CABIN1: variants seen among roughly 807,000 people sequenced by gnomAD.
CABIN1 encodes the protein calcineurin-binding protein cabin-1.
CABIN1 carries 133 observed loss-of-function variants against 227.7 expected under a neutral mutation model. The observed-to-expected ratio is 0.58, with a 90% CI of 0.51 to 0.67. The LOEUF is 0.67. Among genes scored for constraint, CABIN1 ranks in the 30% least tolerant of loss-of-function variants. The pLI is 0.00. For synonymous variants in CABIN1, 1,086 were observed against 1,155.1 expected (o/e 0.94, Z 1.21); for missense variants, 2,408 against 2,852.5 (o/e 0.84, Z 3.55).
At chr22:24,097,641 T>C (rs1905226143) in intron 25 of CABIN1, among the ~76,000 whole-genome samples, 2 of 152,272 alleles carry the variant, frequency 1.3e-5, no homozygotes, top group African/African-American at 4.8e-5. Context: ...GATGTGTTTC[T>C]GTCTGCCCAT....
chr22:24,149,700 C>T (rs533298253), intron 29 of CABIN1, among the ~76,000 whole-genome samples: 2 of 152,382 alleles, frequency 1.3e-5, no homozygotes, highest in Admixed American at 1.3e-4. Flanking sequence ...GGGCACATCA[C>T]TGGAGAACTA....
intron 15 of CABIN1, among the ~76,000 whole-genome samples, chr22:24,064,440 C>T (rs1030056240): frequency 2.0e-5 from 3 of 150,984 alleles, no homozygotes; most frequent in African/African-American, 7.3e-5. Context: ...CTCCTGACAT[C>T]AGGTGATCCA....
chr22:24,138,096 G>T (rs1235433569), intron 29 of CABIN1, among the ~76,000 whole-genome samples: 1 of 152,208 alleles, frequency 6.6e-6, no homozygotes, highest in African/African-American at 2.4e-5. Flanking sequence ...TGCTCAGCCT[G>T]TCATCCTTAG....
chr22:24,113,660 G>C lies in CABIN1; in HGVS notation c.4212G>C (p.Arg1404Ser). ...NEPTSLLEGSRKSYTEKRLPI... is the reference protein window; with the variant it reads ...NEPTSLLEGSSKSYTEKRLPI... ...CCACCAGCTTACTGGAAGGCTCCAGGAAATCCTACACAGAGAAGAGGCTGC... is the reference window on the plus strand; with the variant it reads ...CCACCAGCTTACTGGAAGGCTCCAGCAAATCCTACACAGAGAAGAGGCTGC... Residue 1404 changes from arginine to serine, a missense_variant, in exon 27 of 37, where the codon AGG becomes AGC. By Grantham distance (110) the Arg-to-Ser change is moderately radical. Coordinates refer to ENST00000263119, the MANE Select transcript of CABIN1 (RefSeq NM_012295.4). 1 of 1,614,132 alleles carries C rather than the reference G, an allele frequency of 6.2e-7. No homozygotes were observed. Among genetic ancestry groups the C allele is most frequent in the Non-Finnish European group, 8.5e-7 (1 of 1,180,024 alleles).
At chr22:24,060,473 A>G (rs1028172050) in intron 12 of CABIN1, among the ~76,000 whole-genome samples, 5 of 152,082 alleles carry the variant, frequency 3.3e-5, no homozygotes, top group African/African-American at 1.2e-4. Flanking sequence ...GTTGAACTAG[A>G]CATGGGATGT....
At chr22:24,107,198 C>T (rs1241444776) in intron 26 of CABIN1, among the ~76,000 whole-genome samples, 1 of 152,204 alleles carries the variant, frequency 6.6e-6, no homozygotes, top group Non-Finnish European at 1.5e-5. Flanking sequence ...CAGCAGCCCA[C>T]CCCAGCATCA....
intron 19 of CABIN1, among the ~76,000 whole-genome samples, chr22:24,079,655 G>C (rs1000571719): frequency 6.6e-6 from 1 of 152,124 alleles, no homozygotes; most frequent in African/African-American, 2.4e-5. Context: ...AATTATTAGT[G>C]AGATTGAATA....
Position 24,119,699 on chromosome 22 carries a change from G to C in CABIN1, c.4632+1G>C. The C allele has an allele frequency of 6.2e-7, 1 of 1,613,712 alleles. No individual in the cohort carries two copies. Among genetic ancestry groups the C allele is most frequent in the Non-Finnish European group, 8.5e-7 (1 of 1,179,896 alleles). On this transcript the variant is annotated splice_donor_variant, in intron 28 of 36. Coordinates refer to ENST00000263119, the MANE Select transcript of CABIN1 (RefSeq NM_012295.4). LOFTEE classifies it high-confidence loss of function. ...CTACACCTACAGCAAGACCCACCGG[G>C]TGAGTGGCTGCCGGGCCAAGGGGGC...
At chr22:24,048,944 C>G (rs1017364861) in intron 6 of CABIN1, 147 bp from the exon 7 acceptor site, 12 of 926,170 alleles carry the variant, frequency 1.3e-5, no homozygotes, top group Non-Finnish European at 1.5e-5. Flanking sequence ...TATTACTAAC[C>G]TGACTGAATT....
At chr22:24,141,516 C>T (rs1410317177) in intron 29 of CABIN1, among the ~76,000 whole-genome samples, 1 of 152,246 alleles carries the variant, frequency 6.6e-6, no homozygotes, top group East Asian at 1.9e-4. Context: ...GGACACAGGT[C>T]CCCACAGCCA....
At chr22:24,042,202 C>T (rs964558532) in intron 5 of CABIN1, among the ~76,000 whole-genome samples, 1 of 152,232 alleles carries the variant, frequency 6.6e-6, no homozygotes, top group African/African-American at 2.4e-5. Context: ...GCATTCTGCC[C>T]ACCTCAGCCT....
At chr22:24,014,821 C>T (rs1479894756) in intron 1 of CABIN1, among the ~76,000 whole-genome samples, 1 of 152,162 alleles carries the variant, frequency 6.6e-6, no homozygotes, top group African/African-American at 2.4e-5. Flanking sequence ...GCTTTCCCAC[C>T]TACCCTGTAT....
intron 28 of CABIN1, among the ~76,000 whole-genome samples, chr22:24,123,900 C>T (rs1464071184): frequency 6.6e-6 from 1 of 152,256 alleles, no homozygotes; most frequent in Non-Finnish European, 1.5e-5. Context: ...CGATGTCTGC[C>T]TCTTCAAAGG....
chr22:24,107,619 C>T (rs2042586734), intron 26 of CABIN1, among the ~76,000 whole-genome samples: 1 of 152,242 alleles, frequency 6.6e-6, no homozygotes, highest in Non-Finnish European at 1.5e-5. Context: ...GTCTGGCCAC[C>T]TTCACTGCCT....
intron 27 of CABIN1, among the ~76,000 whole-genome samples, chr22:24,118,028 C>A (rs2043185905): frequency 6.6e-6 from 1 of 152,188 alleles, no homozygotes; most frequent in Admixed American, 6.5e-5. Context: ...GGAGCTAGGA[C>A]CTCCTGGCAT....
In CABIN1 at chr22:24,064,162, A is replaced by AT. The variant is rs1173460345; in HGVS notation, c.2013dup (p.Asp672Ter). On this transcript the variant is annotated frameshift_variant, in exon 15 of 37. Transcript: ENST00000263119. LOFTEE classifies it high-confidence loss of function. ...GTCATCCGGCTGCCCAACCTCCATA[A>AT]TGACTCTGTGGTTTCCCTGGAGGAG... The AT allele has an allele frequency of 6.2e-7, 1 of 1,614,078 alleles. No individual in the cohort carries two copies. The highest frequency in any genetic ancestry group is 8.5e-7 in the Non-Finnish European group (1 of 1,180,026).
chr22:24,114,506 A>G, intron 27 of CABIN1, among the ~76,000 whole-genome samples: 1 of 152,228 alleles, frequency 6.6e-6, no homozygotes, highest in African/African-American at 2.4e-5. Flanking sequence ...AGCACCCTAG[A>G]AAAAAAGCAC....
chr22:24,064,033 AG>A lies in CABIN1; in HGVS notation c.1886del. The A allele has an allele frequency of 6.2e-7, 1 of 1,614,188 alleles. No individual in the cohort carries two copies. Among genetic ancestry groups the A allele is most frequent in the Non-Finnish European group, 8.5e-7 (1 of 1,180,040 alleles). On this transcript the variant is annotated splice_acceptor_variant, in intron 14 of 36. Transcript: ENST00000263119. LOFTEE classifies it high-confidence loss of function. Reference sequence around the variant, plus strand: ...TCCCTGACCTGTTTTCCGTCTAACCAGGGAGACATGGAGCAGGCCCTGGAGA... The same window carrying A: ...TCCCTGACCTGTTTTCCGTCTAACCAGGAGACATGGAGCAGGCCCTGGAGA...
At chr22:24,117,545 T>TG (rs695452) in intron 27 of CABIN1, among the ~76,000 whole-genome samples, 1,514 of 142,390 alleles carry the variant, frequency 0.011, 13 homozygotes, top group African/African-American at 0.022. Flanking sequence ...TTTGTTTTTT[T>TG]GGGGGGGGGG....
Sources: allele counts gnomAD v4.1 joint callset (sites outside exome capture counted in the v4.1 genomes callset), GRCh38; gene constraint gnomAD v4.1.1; transcripts MANE v1.5; gene names NCBI Gene and HGNC (gene_info 2026-07-23, HGNC 2026-07-21).